CTNNA3: variants seen among roughly 807,000 people sequenced by gnomAD.
CTNNA3 encodes catenin alpha 3, also known as catenin alpha-3.
CTNNA3 carries 76 observed loss-of-function variants against 95.7 expected under a neutral mutation model. The observed-to-expected ratio is 0.79, with a 90% CI of 0.66 to 0.96. CTNNA3 has a LOEUF of 0.96. Ranked by LOEUF, CTNNA3 falls within the 40% of genes least tolerant of loss-of-function variation. CTNNA3 has a pLI of 0.00. For synonymous variants in CTNNA3, 431 were observed against 374.4 expected (o/e 1.15, Z -1.74); for missense variants, 1,191 against 1,089.8 (o/e 1.09, Z -1.31).
At chr10:67,014,009 T>A (rs1309092065) in intron 7 of CTNNA3, among the ~76,000 whole-genome samples, 6 of 152,092 alleles carry the variant, frequency 3.9e-5, no homozygotes, top group Non-Finnish European at 7.4e-5. Flanking sequence ...AATTTGTCTC[T>A]AAAAACAAGT....
intron 8 of CTNNA3, among the ~76,000 whole-genome samples, chr10:66,768,140 T>C (rs944166019): frequency 1.3e-5 from 2 of 152,202 alleles, no homozygotes; most frequent in Non-Finnish European, 2.9e-5. Context: ...AAGTAGAGAT[T>C]CCTTCTAATT....
intron 17 of CTNNA3, among the ~76,000 whole-genome samples, chr10:65,920,938 T>C (rs533945702): frequency 6.6e-6 from 1 of 152,340 alleles, no homozygotes; most frequent in African/African-American, 2.4e-5. Flanking sequence ...TTCTGCCTCA[T>C]TTTTTTGTAT....
chr10:66,996,369 G>C (rs933771493), intron 7 of CTNNA3, among the ~76,000 whole-genome samples: 12 of 152,146 alleles, frequency 7.9e-5, no homozygotes, highest in East Asian at 7.7e-4. Context: ...GTTTGGGCTG[G>C]GTGCAATGGC....
At chr10:67,207,682 G>A (rs1302614790) in intron 6 of CTNNA3, among the ~76,000 whole-genome samples, 9 of 152,096 alleles carry the variant, frequency 5.9e-5, no homozygotes, top group Admixed American at 1.3e-4. Flanking sequence ...CCAGTATAGC[G>A]ACTTGACCTA....
At chr10:67,124,355 T>TGC (rs1032244667) in intron 7 of CTNNA3, among the ~76,000 whole-genome samples, 4 of 151,330 alleles carry the variant, frequency 2.6e-5, no homozygotes, top group African/African-American at 9.7e-5. Flanking sequence ...TGTGTGTGTG[T>TGC]GTGTGTGTGT....
intron 9 of CTNNA3, among the ~76,000 whole-genome samples, chr10:66,676,855 C>A (rs57673665): frequency 0.014 from 2,134 of 152,148 alleles, 61 homozygotes; most frequent in African/African-American, 0.045. Flanking sequence ...CTTCATTTTT[C>A]TACAATGTCA....
chr10:66,515,410 A>G (rs1315970543), intron 11 of CTNNA3, among the ~76,000 whole-genome samples: 4 of 151,946 alleles, frequency 2.6e-5, no homozygotes, highest in Non-Finnish European at 4.4e-5. Context: ...AAATGCTTAT[A>G]AAAAATTTGA....
At chr10:67,233,491 CT>C (rs1865318095) in intron 5 of CTNNA3, among the ~76,000 whole-genome samples, 1 of 140,756 alleles carries the variant, frequency 7.1e-6, no homozygotes, top group Non-Finnish European at 1.5e-5. Flanking sequence ...ATACCAGAAT[CT>C]CTGGGACACA....
chr10:66,795,500 T>C (rs187389847), intron 7 of CTNNA3, among the ~76,000 whole-genome samples: 44 of 152,268 alleles, frequency 2.9e-4, no homozygotes, highest in Non-Finnish European at 5.4e-4. Context: ...GGCTTTGTTG[T>C]TCCATTTACA....
At chr10:66,744,933 T>C (rs1487023733) in intron 9 of CTNNA3, among the ~76,000 whole-genome samples, 1 of 152,214 alleles carries the variant, frequency 6.6e-6, no homozygotes, top group Non-Finnish European at 1.5e-5. Context: ...TTAATGACCT[T>C]TGAAATATCT....
chr10:67,080,227 G>A (rs1856979359), intron 7 of CTNNA3, among the ~76,000 whole-genome samples: 2 of 152,138 alleles, frequency 1.3e-5, no homozygotes, highest in Non-Finnish European at 2.9e-5. Flanking sequence ...GCCATTTTCT[G>A]CTGGATTGGG....
intron 5 of CTNNA3, among the ~76,000 whole-genome samples, chr10:67,443,419 A>T (rs1846609137): frequency 6.7e-6 from 1 of 148,542 alleles, no homozygotes. Flanking sequence ...CCAACAGTGT[A>T]AAAGTGTTCC....
chr10:66,215,853 G>T (rs898840995), intron 13 of CTNNA3, among the ~76,000 whole-genome samples: 3 of 152,190 alleles, frequency 2.0e-5, no homozygotes, highest in Admixed American at 2.0e-4. Flanking sequence ...TTGTCAATTG[G>T]CATTAACAAT....
chr10:67,145,375 G>C (rs897819077), intron 7 of CTNNA3, among the ~76,000 whole-genome samples: 4 of 151,912 alleles, frequency 2.6e-5, no homozygotes, highest in Admixed American at 2.0e-4. Context: ...TGGGGTAGTA[G>C]GTGTGGAAAC....
intron 7 of CTNNA3, among the ~76,000 whole-genome samples, chr10:66,870,830 C>A (rs1297637322): frequency 1.3e-5 from 2 of 152,028 alleles, no homozygotes; most frequent in Non-Finnish European, 2.9e-5. Flanking sequence ...GCCCTTTGAC[C>A]ATAGATTCTC....
Position 66,585,846 on chromosome 10 carries a change from G to A in CTNNA3, c.1374+35846C>T, listed in dbSNP as rs530943527. Among the ~76,000 whole-genome samples, 352 of 151,898 alleles carry A rather than the reference G, an allele frequency of 2.3e-3. 1 individual carries two copies. The highest frequency in any genetic ancestry group is 8.0e-3 in the African/African-American group (332 of 41,410). ...ATAGAACAACTCAAATGTTTTTTATGTTTCCAGAATTGTTTTTATGGTTCC... is the reference window on the plus strand; with the variant it reads ...ATAGAACAACTCAAATGTTTTTTATATTTCCAGAATTGTTTTTATGGTTCC... On this transcript the variant is annotated intron_variant, in intron 10 of 17. Coordinates refer to ENST00000433211, the MANE Select transcript of CTNNA3 (RefSeq NM_013266.4).
chr10:66,130,293 C>T (rs1332515819), intron 13 of CTNNA3, among the ~76,000 whole-genome samples: 4 of 152,020 alleles, frequency 2.6e-5, no homozygotes, highest in Admixed American at 6.6e-5. Context: ...CCTAACATTA[C>T]AATTAAAGGA....
At chr10:66,815,141 G>T (rs1382492040) in intron 7 of CTNNA3, among the ~76,000 whole-genome samples, 2 of 152,026 alleles carry the variant, frequency 1.3e-5, no homozygotes, top group Non-Finnish European at 2.9e-5. Context: ...GGTAGAATAA[G>T]AACCTCCAAG....
intron 1 of CTNNA3, among the ~76,000 whole-genome samples, chr10:67,720,717 G>A (rs970912167): frequency 1.3e-5 from 2 of 152,150 alleles, no homozygotes; most frequent in African/African-American, 4.8e-5. Context: ...ACTTTGAGAG[G>A]CTGAAGTGGG....
Sources: allele counts gnomAD v4.1 joint callset (sites outside exome capture counted in the v4.1 genomes callset), GRCh38; gene constraint gnomAD v4.1.1; transcripts MANE v1.5; gene names NCBI Gene and HGNC (gene_info 2026-07-23, HGNC 2026-07-21).